The following ANO3 variants were observed in gnomAD, a reference collection of about 807,000 sequenced individuals.
ANO3 encodes anoctamin-3.
A neutral mutation model predicts 144.8 loss-of-function variants in ANO3; 99 were observed. The observed-to-expected ratio is 0.68, with a 90% CI of 0.58 to 0.81. ANO3 has a LOEUF of 0.81. Ranked by LOEUF, ANO3 falls within the 30% of genes least tolerant of loss-of-function variation. ANO3 has a pLI of 0.00. For missense variants in ANO3, 905 were observed against 1,202.2 expected, an observed-to-expected ratio of 0.75 and a Z score of 3.66; for synonymous variants, 414 against 392.6, an observed-to-expected ratio of 1.05 and a Z score of -0.64.
intron 4 of ANO3, among the ~76,000 whole-genome samples, chr11:26,493,456 C>G (rs1288978390): frequency 2.0e-5 from 3 of 152,160 alleles, no homozygotes; most frequent in Non-Finnish European, 4.4e-5. Flanking sequence ...CACAGAATTA[C>G]GGCCTTGTGT....
intron 1 of ANO3, among the ~76,000 whole-genome samples, chr11:26,373,248 C>T (rs1856312928): frequency 6.6e-6 from 1 of 152,178 alleles, no homozygotes; most frequent in African/African-American, 2.4e-5. Flanking sequence ...ATAATCCCTA[C>T]ATGTCGAGGG....
Position 26,332,130 on chromosome 11 carries a change from G to A in ANO3, c.-146G>A. On this transcript the variant is annotated 5_prime_UTR_variant, in exon 1 of 27. Coordinates refer to ENST00000256737, the MANE Select transcript of ANO3 (RefSeq NM_031418.4). ...AACGACACCGGCGGGCGCGTAGCCT[G>A]GAGAGCGAAGTGCCGGCTACAGCAG... 4 of 1,512,794 alleles carry A rather than the reference G, an allele frequency of 2.6e-6. No individual in the cohort carries two copies. Among genetic ancestry groups the A allele is most frequent in the Non-Finnish European group, 2.6e-6 (3 of 1,132,358 alleles). The allele number at this position is 1,512,794 out of a possible 1,614,324, so 93.7% of individuals were successfully genotyped here.
intron 1 of ANO3, among the ~76,000 whole-genome samples, chr11:26,416,626 C>A (rs1056255013): frequency 6.6e-6 from 1 of 151,888 alleles, no homozygotes; most frequent in Non-Finnish European, 1.5e-5. Flanking sequence ...GGGGTTTCAC[C>A]ATGTTGGCCA....
chr11:26,619,457 A>G (rs1225781271), intron 17 of ANO3, among the ~76,000 whole-genome samples: 4 of 152,048 alleles, frequency 2.6e-5, no homozygotes, highest in Non-Finnish European at 2.9e-5. Context: ...AAAACTAAAG[A>G]TTCTTTTTTT....
At chr11:26,536,533 A>G (rs1343461483) in intron 9 of ANO3, among the ~76,000 whole-genome samples, 1 of 151,984 alleles carries the variant, frequency 6.6e-6, no homozygotes, top group Non-Finnish European at 1.5e-5. Context: ...AAGTTTATAT[A>G]TATGTATATA....
rs1590646200 is a variant in ANO3, at chr11:26,624,616, A to C, written c.1873+118A>C. The C allele has an allele frequency of 9.6e-6, 7 of 730,078 alleles. No homozygotes were observed. The East Asian group carries it at 1.8e-4, about 19-fold the overall frequency. 45.2% of individuals were successfully genotyped at this position (730,078 alleles called of 1,614,324 possible). A position where few individuals can be genotyped will look rare whatever the true frequency, so the allele number is the denominator to read the frequency against. On this transcript the variant is annotated intron_variant, in intron 18 of 26. Coordinates refer to ENST00000256737, the MANE Select transcript of ANO3 (RefSeq NM_031418.4). ...AACTGCAATTATTTAAGTATTTACC[A>C]ATTAAAAAGGAGAGGGGTAGTATAG...
chr11:26,368,382 A>C (rs1000410048), intron 1 of ANO3, among the ~76,000 whole-genome samples: 2 of 152,246 alleles, frequency 1.3e-5, no homozygotes, highest in Non-Finnish European at 2.9e-5. Flanking sequence ...TTATATTTGT[A>C]TCAAAGTTTA....
At chr11:26,278,331 T>C (rs1461658927) in intron 1 of ANO3, among the ~76,000 whole-genome samples, 2 of 152,300 alleles carry the variant, frequency 1.3e-5, no homozygotes, top group East Asian at 3.9e-4. Flanking sequence ...ATGGGACTGC[T>C]ACTTGCTACC....
intron 1 of ANO3, among the ~76,000 whole-genome samples, chr11:26,194,439 GGTGT>G (rs1161631402): frequency 0.064 from 3,876 of 60,364 alleles, 74 homozygotes; most frequent in Admixed American, 0.095. Flanking sequence ...GGTACATAGT[GGTGT>G]GTGTGTGTGT....
At chr11:26,534,150 A>G (rs1047707274) in intron 8 of ANO3, among the ~76,000 whole-genome samples, 1 of 152,184 alleles carries the variant, frequency 6.6e-6, no homozygotes, top group African/African-American at 2.4e-5. Flanking sequence ...GATGTGTTCT[A>G]TTTGGAAATA....
chr11:26,451,245 G>A (rs553848293), intron 3 of ANO3, among the ~76,000 whole-genome samples: 1 of 152,192 alleles, frequency 6.6e-6, no homozygotes, highest in Non-Finnish European at 1.5e-5. Flanking sequence ...AGGTCAGTGG[G>A]TGCAGTGCAC....
Position 26,660,566 on chromosome 11 carries a change from T to C in ANO3, c.*122T>C. ...CAAACCACATGTATAATATGCTACT[T>C]GGAAATGTATCACAGCCATCTCTGG... On this transcript the variant is annotated 3_prime_UTR_variant, in exon 27 of 27. Coordinates refer to ENST00000256737, the MANE Select transcript of ANO3 (RefSeq NM_031418.4). The C allele has an allele frequency of 3.7e-6, 3 of 808,700 alleles. No homozygotes were observed. Among genetic ancestry groups the C allele is most frequent in the Non-Finnish European group, 5.7e-6 (3 of 530,690 alleles). The allele number at this position is 808,700 out of a possible 1,614,324, so 50.1% of individuals were successfully genotyped here.
intron 7 of ANO3, among the ~76,000 whole-genome samples, chr11:26,525,915 G>A (rs1033269383): frequency 2.6e-5 from 4 of 151,824 alleles, no homozygotes; most frequent in African/African-American, 9.7e-5. Flanking sequence ...TAATGTTATG[G>A]AAGGAGGACT....
At chr11:26,240,100 T>G (rs1197565059) in intron 1 of ANO3, among the ~76,000 whole-genome samples, 1 of 152,172 alleles carries the variant, frequency 6.6e-6, no homozygotes, top group African/African-American at 2.4e-5. Flanking sequence ...TGTCACATAA[T>G]TTTTCATCTA....
At chr11:26,627,814 AGTGTGTGT>A (rs72002807) in intron 18 of ANO3, among the ~76,000 whole-genome samples, 27 of 131,280 alleles carry the variant, frequency 2.1e-4, no homozygotes, top group East Asian at 1.4e-3. Context: ...AATAGAATCT[AGTGTGTGT>A]GTGTGTGTGT....
chr11:26,309,794 G>C, intron 1 of ANO3: 1 of 705,076 alleles, frequency 1.4e-6, no homozygotes, highest in Admixed American at 7.4e-5. Context: ...CAACTCCAGA[G>C]TCTTTACAGG....
At chr11:26,469,348 G>C (rs1028564593) in intron 4 of ANO3, among the ~76,000 whole-genome samples, 2 of 151,864 alleles carry the variant, frequency 1.3e-5, no homozygotes, top group Admixed American at 6.6e-5. Context: ...GCGCATGTGA[G>C]GGAGTGGTGT....
intron 1 of ANO3, among the ~76,000 whole-genome samples, chr11:26,274,684 C>T (rs1215047075): frequency 6.6e-6 from 1 of 152,054 alleles, no homozygotes; most frequent in Non-Finnish European, 1.5e-5. Context: ...ACACATAATG[C>T]CATCTGTTGG....
chr11:26,530,571 C>CT (rs1214329682), intron 7 of ANO3, among the ~76,000 whole-genome samples: 4 of 149,890 alleles, frequency 2.7e-5, no homozygotes, highest in African/African-American at 9.8e-5. Context: ...AAAAAAAACT[C>CT]TCTTTCTGGC....
Sources: gnomAD v4.1 joint callset for allele counts (sites outside exome capture counted in the v4.1 genomes callset) on GRCh38, gnomAD v4.1.1 for gene constraint, MANE v1.5 for transcripts, NCBI Gene and HGNC (gene_info 2026-07-23, HGNC 2026-07-21) for gene names.